The following SPATS2L variants were observed in gnomAD, a reference collection of about 807,000 sequenced individuals.
The protein encoded by SPATS2L is SPATS2-like protein.
Under a neutral mutation model 59.6 loss-of-function variants are expected in SPATS2L, and 30 were observed. The observed-to-expected ratio is 0.50, with a 90% CI of 0.38 to 0.68. SPATS2L has a LOEUF of 0.68. SPATS2L is among the 30% of genes least tolerant of loss of function. The pLI is 0.00. For missense variants in SPATS2L, 615 were observed against 700.0 expected, an observed-to-expected ratio of 0.88 and a Z score of 1.37; for synonymous variants, 252 against 263.5, an observed-to-expected ratio of 0.96 and a Z score of 0.42.
intron 2 of SPATS2L, among the ~76,000 whole-genome samples, chr2:200,334,999 C>G (rs58263243): frequency 0.013 from 1,977 of 152,224 alleles, 48 homozygotes; most frequent in African/African-American, 0.045. Context: ...GATGCAGGCT[C>G]TTTTTTGTTT....
At chr2:200,340,815 G>A (rs1429727220) in intron 2 of SPATS2L, among the ~76,000 whole-genome samples, 1 of 152,144 alleles carries the variant, frequency 6.6e-6, no homozygotes, top group Admixed American at 6.5e-5. Flanking sequence ...AAAAATAAAT[G>A]GGGTTCTTTT....
intron 2 of SPATS2L, among the ~76,000 whole-genome samples, chr2:200,339,239 CT>C (rs932326161): frequency 3.9e-5 from 6 of 151,972 alleles, no homozygotes; most frequent in East Asian, 3.9e-4. Context: ...GTAATTTTAG[CT>C]TTTTTTTCTT....
At chr2:200,359,226 C>A (rs1319043300) in intron 2 of SPATS2L, among the ~76,000 whole-genome samples, 1 of 152,074 alleles carries the variant, frequency 6.6e-6, no homozygotes, top group African/African-American at 2.4e-5. Flanking sequence ...GAGGCTTGAT[C>A]ATATTCTTTC....
At chr2:200,346,719 C>T (rs1193756767) in intron 2 of SPATS2L, among the ~76,000 whole-genome samples, 1 of 152,168 alleles carries the variant, frequency 6.6e-6, no homozygotes, top group Non-Finnish European at 1.5e-5. Context: ...CCCCTGAGAA[C>T]TAAATGTCAA....
chr2:200,477,540 C>CAAAAAAAAAAAAA (rs1459631567), intron 12 of SPATS2L, 96 bp from the exon 13 acceptor site: 1 of 451,982 alleles, frequency 2.2e-6, no homozygotes, highest in African/African-American at 3.7e-5. Context: ...AAAAAAAAAG[C>CAAAAAAAAAAAAA]TTACCTGTGG....
At chr2:200,459,870 T>A in intron 9 of SPATS2L, 43 bp downstream of exon 9, 2 of 1,411,172 alleles carry the variant, frequency 1.4e-6, no homozygotes, top group Non-Finnish European at 9.9e-7. Flanking sequence ...AGCTTCCCAA[T>A]CAGAAGCAAT....
chr2:200,308,900 GAAAGTCTTCAGTA>G (rs2105737868), intron 1 of SPATS2L: 1 of 607,284 alleles, frequency 1.6e-6, no homozygotes, highest in East Asian at 2.8e-5. Flanking sequence ...GCCCCCTAAT[GAAAGTCTTCAGTA>G]AATAGTTTTT....
intron 8 of SPATS2L, among the ~76,000 whole-genome samples, chr2:200,444,201 A>G (rs916581423): frequency 6.6e-6 from 1 of 152,212 alleles, no homozygotes; most frequent in African/African-American, 2.4e-5. Context: ...CTTTGGAATC[A>G]TAGCTGCCAG....
chr2:200,471,366 T>C (rs777818469), intron 11 of SPATS2L, among the ~76,000 whole-genome samples: 37 of 152,096 alleles, frequency 2.4e-4, no homozygotes, highest in Non-Finnish European at 4.1e-4. Flanking sequence ...CCCACCCTCT[T>C]TTCCACTTCA....
In SPATS2L at chr2:200,459,838, A is replaced by C. The variant is rs1329435646; in HGVS notation, c.847+11A>C. On this transcript the variant is annotated intron_variant, in intron 9 of 12. Coordinates refer to ENST00000409140, the MANE Select transcript of SPATS2L (RefSeq NM_001100423.2). ...TTAAAGAAGAAGCCAGTAAGTAGAC[A>C]ACACATGGTTATTTGATTAGGAGCT... The C allele has an allele frequency of 1.3e-6, 2 of 1,595,956 alleles. No homozygotes were observed. The highest frequency in any genetic ancestry group is 1.7e-6 in the Non-Finnish European group (2 of 1,165,886).
intron 8 of SPATS2L, among the ~76,000 whole-genome samples, chr2:200,446,105 G>A (rs558653541): frequency 1.3e-5 from 2 of 152,246 alleles, no homozygotes; most frequent in East Asian, 1.9e-4. Flanking sequence ...TTGGAAGGCC[G>A]AGGCAGGAGG....
At chr2:200,446,469 A>T (rs1401145141) in intron 8 of SPATS2L, among the ~76,000 whole-genome samples, 1 of 152,130 alleles carries the variant, frequency 6.6e-6, no homozygotes, top group Admixed American at 6.5e-5. Context: ...CCAGGAGACC[A>T]TTGATTTGGA....
intron 3 of SPATS2L, among the ~76,000 whole-genome samples, chr2:200,412,021 G>C (rs184807027): frequency 6.6e-6 from 1 of 152,226 alleles, no homozygotes; most frequent in Non-Finnish European, 1.5e-5. Context: ...CTGTAGTCTT[G>C]GGGGAGGGTA....
At chr2:200,462,866 C>A (rs1411283773) in intron 9 of SPATS2L, among the ~76,000 whole-genome samples, 1 of 152,040 alleles carries the variant, frequency 6.6e-6, no homozygotes, top group Non-Finnish European at 1.5e-5. Context: ...TTTAAGGATG[C>A]AGCAAGCCAT....
At chr2:200,416,695 GA>G (rs1370615005) in intron 5 of SPATS2L, among the ~76,000 whole-genome samples, 1 of 152,090 alleles carries the variant, frequency 6.6e-6, no homozygotes, top group Non-Finnish European at 1.5e-5. Flanking sequence ...GTATAAAGGG[GA>G]GCCCAGCTGG....
chr2:200,391,547 C>T (rs959238258), intron 3 of SPATS2L, among the ~76,000 whole-genome samples: 5 of 152,172 alleles, frequency 3.3e-5, no homozygotes, highest in African/African-American at 1.2e-4. Context: ...ATAATACTGC[C>T]ATGTAGGGCA....
Position 200,477,680 on chromosome 2 carries a change from TAAC to T in SPATS2L, c.1331_1333del (p.Asn444del). On this transcript the variant is annotated inframe_deletion, in exon 13 of 13. Coordinates refer to ENST00000409140, the MANE Select transcript of SPATS2L (RefSeq NM_001100423.2). ...GACGGAGATTTAATCCACAGTATCA[TAAC>T]AACAGGCTAAATGGGCCTGCCAAGT... 5 of 1,566,024 alleles carry T rather than the reference TAAC, an allele frequency of 3.2e-6. No homozygotes were observed. The highest frequency in any genetic ancestry group is 4.3e-6 in the Non-Finnish European group (5 of 1,154,672).
chr2:200,479,986 T>C lies in SPATS2L; in HGVS notation c.*1955T>C, dbSNP rs1249575473. ...AATGTTCGGCACTGTAGGCCCTGTT[T>C]ACCCCATCTGAGGCCCTGAATTCAT... On this transcript the variant is annotated 3_prime_UTR_variant, in exon 13 of 13. Coordinates refer to ENST00000409140, the MANE Select transcript of SPATS2L (RefSeq NM_001100423.2). The C allele has an allele frequency of 2.7e-6, 1 of 371,286 alleles. No individual in the cohort carries two copies. The highest frequency in any genetic ancestry group is 4.6e-5 in the Admixed American group (1 of 21,860). The allele number at this position is 371,286 out of a possible 1,614,324, so 23.0% of individuals were successfully genotyped here.
At chr2:200,440,044 G>A (rs1037175772) in intron 7 of SPATS2L, among the ~76,000 whole-genome samples, 6 of 152,152 alleles carry the variant, frequency 3.9e-5, no homozygotes, top group African/African-American at 1.4e-4. Context: ...TGGCCTGATT[G>A]TGATAAGTAC....
Sources: gnomAD v4.1 joint callset for allele counts (sites outside exome capture counted in the v4.1 genomes callset) on GRCh38, gnomAD v4.1.1 for gene constraint, MANE v1.5 for transcripts, NCBI Gene and HGNC (gene_info 2026-07-23, HGNC 2026-07-21) for gene names.